Variants in SETD2 observed in about 807,000 individuals in gnomAD.
SETD2 encodes the protein SET domain containing 2, histone lysine methyltransferase, also known as histone-lysine N-methyltransferase SETD2.
SETD2 carries 31 observed loss-of-function variants against 242.1 expected under a neutral mutation model. The ratio of observed to expected loss-of-function variants is 0.13; its 90% confidence interval spans 0.10 to 0.17. SETD2 has a LOEUF of 0.17. Ranked by LOEUF, SETD2 falls within the 10% of genes least tolerant of loss-of-function variation. The pLI, the probability that SETD2 is intolerant of heterozygous loss-of-function variation, is 1.00. For synonymous variants in SETD2, 1,006 were observed against 1,066.5 expected (o/e 0.94, Z 1.11); for missense variants, 2,481 against 3,046.3 (o/e 0.81, Z 4.37).
chr3:47,079,215 A>C (rs2041228518), intron 12 of SETD2, among the ~76,000 whole-genome samples: 1 of 152,210 alleles, frequency 6.6e-6, no homozygotes, highest in Non-Finnish European at 1.5e-5. Context: ...ATTAAGAAGG[A>C]AAATGTATGT....
intron 9 of SETD2, among the ~76,000 whole-genome samples, chr3:47,095,786 A>G (rs902505679): frequency 3.9e-5 from 6 of 152,140 alleles, no homozygotes; most frequent in Admixed American, 3.3e-4. Flanking sequence ...TCAAATGACC[A>G]TCATGCAGAA....
At chr3:47,157,355 T>C (rs1057320000) in intron 1 of SETD2, among the ~76,000 whole-genome samples, 1 of 152,166 alleles carries the variant, frequency 6.6e-6, no homozygotes, top group African/African-American at 2.4e-5. Context: ...TACAGTGAGC[T>C]ATAATCTTGC....
chr3:47,089,257 G>T (rs2041695366), intron 9 of SETD2, among the ~76,000 whole-genome samples: 1 of 152,122 alleles, frequency 6.6e-6, no homozygotes. Context: ...ACCAGCCTGG[G>T]CAACACAGCC....
At chr3:47,109,130 G>C (rs528316035) in intron 5 of SETD2, among the ~76,000 whole-genome samples, 2 of 152,240 alleles carry the variant, frequency 1.3e-5, no homozygotes, top group African/African-American at 4.8e-5. Context: ...AATTGTCACT[G>C]TCACTGCAAA....
At chr3:47,151,467 G>GA (rs1171793503) in intron 1 of SETD2, among the ~76,000 whole-genome samples, 2 of 151,982 alleles carry the variant, frequency 1.3e-5, no homozygotes, top group Non-Finnish European at 2.9e-5. Flanking sequence ...CGCACAACTG[G>GA]AAAAAAAGTC....
chr3:47,101,335 T>A, intron 8 of SETD2, 123 bp downstream of exon 8: 1 of 608,008 alleles, frequency 1.6e-6, no homozygotes, highest in Non-Finnish European at 2.9e-6. Context: ...AAACAATATC[T>A]TATAGATAAG....
At chr3:47,019,722 G>A in intron 19 of SETD2, 38 bp downstream of exon 19, 3 of 1,529,226 alleles carry the variant, frequency 2.0e-6, no homozygotes, top group South Asian at 1.1e-5. Context: ...TCAGATTTAA[G>A]CCTGAGGAGC....
intron 1 of SETD2, 132 bp downstream of exon 1, chr3:47,163,722 A>C: frequency 5.3e-6 from 4 of 750,708 alleles, no homozygotes; most frequent in East Asian, 5.3e-5. Flanking sequence ...TGCTCCCGAC[A>C]CCGACCGCGC....
At chr3:47,024,221 C>G (rs2038365713) in intron 18 of SETD2, among the ~76,000 whole-genome samples, 1 of 152,174 alleles carries the variant, frequency 6.6e-6, no homozygotes, top group Non-Finnish European at 1.5e-5. Context: ...GCCTGTAATC[C>G]CAGCACTTTG....
chr3:47,056,442 G>T (rs146708267), intron 15 of SETD2, among the ~76,000 whole-genome samples: 1 of 152,158 alleles, frequency 6.6e-6, no homozygotes, highest in African/African-American at 2.4e-5. Flanking sequence ...ATGATTTTTA[G>T]AAAACACAAA....
chr3:47,159,974 C>CAAA (rs371726989), intron 1 of SETD2, among the ~76,000 whole-genome samples: 1 of 127,182 alleles, frequency 7.9e-6, no homozygotes. Context: ...GACTCCATTC[C>CAAA]AAAAAAAAAA....
At chr3:47,111,995 A>C (rs1375711719) in intron 5 of SETD2, among the ~76,000 whole-genome samples, 2 of 152,174 alleles carry the variant, frequency 1.3e-5, no homozygotes, top group Non-Finnish European at 2.9e-5. Context: ...ACTAGAATCC[A>C]GCAAATGTTT....
chr3:47,105,982 A>G lies in SETD2; in HGVS notation c.4839+15T>C, dbSNP rs371621055. On this transcript the variant is annotated intron_variant, in intron 6 of 20. Transcript: ENST00000409792. ...AACAGATCTGTTTCAAGGCAAACAT[A>G]TCCAAGCTGCTTACCTCATCATTCT... 5.5e-5 allele frequency: 89 copies of G among 1,612,420 alleles called. 1 individual carries two copies. Among genetic ancestry groups the G allele is most frequent in the Middle Eastern group, 1.6e-4 (1 of 6,070 alleles).
Position 47,120,686 on chromosome 3 carries a change from C to G in SETD2, c.3950G>C (p.Gly1317Ala), listed in dbSNP as rs950016449. The G allele has an allele frequency of 6.2e-7, 1 of 1,614,000 alleles. No individual in the cohort carries two copies. The highest frequency in any genetic ancestry group is 8.5e-7 in the Non-Finnish European group (1 of 1,180,038). Residue 1317 changes from glycine to alanine, a missense_variant, in exon 3 of 21, where the codon GGG (glycine) becomes GCG (alanine). This residue lies in a region of SETD2 where 1,300 missense variants were observed against 1,259.2 expected (regional missense o/e 1.03). Transcript: ENST00000409792. ...DPRSGRPPGT[G>A]VVYDRTQGQV... is the part of the protein sequence containing the mutation. ...TCCTTGAGTTCGATCATACACAACCCCAGTTCCAGGAGGTCTACCTGATCT... is the reference window on the plus strand; with the variant it reads ...TCCTTGAGTTCGATCATACACAACCGCAGTTCCAGGAGGTCTACCTGATCT...
chr3:47,097,947 A>T lies in SETD2; in HGVS notation c.5142+8T>A. ...ATTGTGAAAGTTGAAAGAAAAATGC[A>T]AACTTACTGAATCCTTCTTACGAGA... On this transcript the variant is annotated splice_region_variant and intron_variant, in intron 9 of 20. Transcript: ENST00000409792. 3 of 1,608,256 alleles carry T rather than the reference A, an allele frequency of 1.9e-6. No individual in the cohort carries two copies. Among genetic ancestry groups the T allele is most frequent in the Non-Finnish European group, 2.5e-6 (3 of 1,178,086 alleles).
chr3:47,055,491 G>A (rs1165894153), intron 15 of SETD2, among the ~76,000 whole-genome samples: 3 of 151,658 alleles, frequency 2.0e-5, no homozygotes, highest in Non-Finnish European at 2.9e-5. Context: ...AGAACTGCTT[G>A]AGGCCAGGAG....
At chr3:47,072,301 C>T (rs191983260) in intron 12 of SETD2, among the ~76,000 whole-genome samples, 1 of 151,932 alleles carries the variant, frequency 6.6e-6, no homozygotes, top group Non-Finnish European at 1.5e-5. Context: ...GAGTGAGACT[C>T]TGTCTCAAAA....
chr3:47,099,322 T>A (rs2042119434), intron 8 of SETD2, among the ~76,000 whole-genome samples: 1 of 152,204 alleles, frequency 6.6e-6, no homozygotes, highest in African/African-American at 2.4e-5. Context: ...GATATAGGTA[T>A]AATCTGAAAA....
At chr3:47,065,229 T>A (rs1325685433) in intron 13 of SETD2, among the ~76,000 whole-genome samples, 1 of 152,128 alleles carries the variant, frequency 6.6e-6, no homozygotes, top group Non-Finnish European at 1.5e-5. Context: ...CTAAGTAGAA[T>A]GTGAGGCTAT....
Sources: gnomAD v4.1 joint callset for allele counts (sites outside exome capture counted in the v4.1 genomes callset) on GRCh38, gnomAD v4.1.1 for gene constraint, gnomAD v4.1.1 regional missense constraint, MANE v1.5 for transcripts, NCBI Gene and HGNC (gene_info 2026-07-23, HGNC 2026-07-21) for gene names.